The following ABHD14A variants were observed in gnomAD, a reference collection of about 807,000 sequenced individuals.
ABHD14A encodes the protein protein ABHD14A.
A neutral mutation model predicts 27.0 loss-of-function variants in ABHD14A; 19 were observed. The ratio of observed to expected loss-of-function variants is 0.70; its 90% CI spans 0.49 to 1.03. ABHD14A has a LOEUF of 1.03. Among genes scored for constraint, ABHD14A ranks in the 50% least tolerant of loss-of-function variants. The pLI, the probability that ABHD14A is intolerant of heterozygous loss-of-function variation, is 0.00. For missense variants in ABHD14A, 311 were observed against 344.6 expected, an observed-to-expected ratio of 0.90 and a Z score of 0.77; for synonymous variants, 148 against 158.8, an observed-to-expected ratio of 0.93 and a Z score of 0.51.
intron 3 of ABHD14A, chr3:51,980,191 G>A: frequency 3.0e-6 from 2 of 673,576 alleles, no homozygotes; most frequent in Non-Finnish European, 5.5e-6. Context: ...CAAAGTGCTG[G>A]GATTACAGGC....
intron 3 of ABHD14A, 112 bp downstream of exon 3, chr3:51,978,486 A>C: frequency 1.5e-6 from 1 of 666,578 alleles, no homozygotes; most frequent in East Asian, 2.9e-5. Context: ...GGCACCATGA[A>C]AAAGTCTGTG....
chr3:51,980,709 G>C (rs1700893500), intron 4 of ABHD14A, 81 bp downstream of exon 4: 1 of 1,560,004 alleles, frequency 6.4e-7, no homozygotes, highest in Admixed American at 1.7e-5. Context: ...TACTTGGAGG[G>C]ACATGGCCTT....
chr3:51,975,448 A>G (rs1577714008), intron 1 of ABHD14A, among the ~76,000 whole-genome samples: 1 of 94,124 alleles, frequency 1.1e-5, no homozygotes, highest in African/African-American at 4.6e-5. Context: ...CTGCGCGCTT[A>G]TATTTTTGGG....
rs147658919 is a variant in ABHD14A, at chr3:51,980,467, C to A, written c.472C>A (p.Arg158=). 1 of 1,613,604 alleles carries A rather than the reference C, an allele frequency of 6.2e-7. No individual in the cohort carries two copies. The highest frequency in any genetic ancestry group is 8.5e-7 in the Non-Finnish European group (1 of 1,180,020). ...GGCAGCGCTGCTGGAGCGGGCGCTG[C>A]GGGACCTGGAGGTACAGAATGCCGT... ...GRAALLERAL[R]DLEVQNAVLV... is the part of the protein sequence containing the mutation. The change falls in exon 4 of 5, where the codon CGG becomes AGG. Residue 158 remains arginine, a synonymous_variant. Coordinates refer to ENST00000273596, the MANE Select transcript of ABHD14A (RefSeq NM_015407.5).
Position 51,980,833 on chromosome 3 carries a change from C to A in ABHD14A, c.634-3C>A. On this transcript the variant is annotated splice_polypyrimidine_tract_variant and splice_region_variant and intron_variant, in intron 4 of 4. Coordinates refer to ENST00000273596, the MANE Select transcript of ABHD14A (RefSeq NM_015407.5). ...GATCACAGCCCCCTGCCTTGCCCTG[C>A]AGACTCCAACCCTTATCCTGTATGG... The A allele has an allele frequency of 6.2e-7, 1 of 1,608,606 alleles. No individual in the cohort carries two copies. The highest frequency in any genetic ancestry group is 8.5e-7 in the Non-Finnish European group (1 of 1,175,668).
intron 2 of ABHD14A, 67 bp downstream of exon 2, chr3:51,978,149 A>G (rs1700829023): frequency 6.4e-6 from 10 of 1,551,320 alleles, no homozygotes; most frequent in Non-Finnish European, 7.9e-6. Context: ...TGGGACCCCC[A>G]TTATACTCAG....
intron 3 of ABHD14A, 117 bp downstream of exon 3, chr3:51,978,491 T>C: frequency 1.6e-6 from 1 of 637,304 alleles, no homozygotes; most frequent in Non-Finnish European, 2.6e-6. Flanking sequence ...CATGAAAAAG[T>C]CTGTGTTTTC....
chr3:51,980,169 G>A lies in ABHD14A; in HGVS notation c.398-224G>A, dbSNP rs111495805. The A allele has an allele frequency of 2.9e-3, 1,809 of 615,720 alleles. 25 individuals carry two copies. In the African/African-American group the frequency reaches 0.03, roughly 10 times the overall value. 38.1% of individuals were successfully genotyped at this position (615,720 alleles called of 1,614,324 possible). ...GATCTCCTAACCTCGTGATCTGCCC[G>A]CCTCGGCCTCCCAAAGTGCTGGGAT... is the stretch of plus-strand genomic sequence containing the variant. On this transcript the variant is annotated intron_variant, in intron 3 of 4. Transcript: ENST00000273596.
At chr3:51,980,651 G>A (rs1431258205) in intron 4 of ABHD14A, 23 bp downstream of exon 4, 1 of 1,607,186 alleles carries the variant, frequency 6.2e-7, no homozygotes, top group African/African-American at 1.3e-5. Context: ...GGATCTCAAA[G>A]GTCCTGGCAC....
At position 51,980,579 on chromosome 3, in the gene ABHD14A, C is replaced by T; in HGVS notation, c.584C>T (p.Ala195Val). The T allele has an allele frequency of 6.2e-7, 1 of 1,609,838 alleles. No individual in the cohort carries two copies. Among genetic ancestry groups the T allele is most frequent in the Non-Finnish European group, 8.5e-7 (1 of 1,178,228 alleles). Residue 195 changes from alanine to valine, a missense_variant, in exon 4 of 5, where the codon GCA becomes GTA. Coordinates refer to ENST00000273596, the MANE Select transcript of ABHD14A (RefSeq NM_015407.5). ...HHQLHGFVPI[A>V]PTSTQNYTQE... Reference sequence around the variant, plus strand: ...CAGCTACATGGATTTGTGCCCATCGCACCCACCTCCACCCAGAACTACACC... The same window carrying T: ...CAGCTACATGGATTTGTGCCCATCGTACCCACCTCCACCCAGAACTACACC...
intron 3 of ABHD14A, chr3:51,978,598 T>C (rs188608457): frequency 2.3e-4 from 66 of 292,334 alleles, no homozygotes; most frequent in African/African-American, 1.2e-3. Context: ...ATTTTATTTA[T>C]ATATATTTTT....
Position 51,980,647 on chromosome 3 carries a change from C to CA in ABHD14A, c.633+22dup. ...TGTGAAGGTACTGGGAGAAGGATCT[C>CA]AAAGGTCCTGGCACCCTGTCTGTGG... On this transcript the variant is annotated intron_variant, in intron 4 of 4. Coordinates refer to ENST00000273596, the MANE Select transcript of ABHD14A (RefSeq NM_015407.5). 6.2e-7 allele frequency: 1 copy of CA among 1,608,410 alleles called. No homozygotes were observed. The highest frequency in any genetic ancestry group is 1.1e-5 in the South Asian group (1 of 90,616).
chr3:51,975,434 G>A (rs1357925390), intron 1 of ABHD14A, among the ~76,000 whole-genome samples: 1 of 136,164 alleles, frequency 7.3e-6, no homozygotes, highest in Non-Finnish European at 1.6e-5. Flanking sequence ...CCGTCAGTGG[G>A]TTTCTGCGCG....
At chr3:51,980,014 C>T (rs1387915854) in intron 3 of ABHD14A, among the ~76,000 whole-genome samples, 8 of 151,962 alleles carry the variant, frequency 5.3e-5, no homozygotes, top group East Asian at 1.9e-4. Flanking sequence ...CTCCGCCCCC[C>T]GGGGTTCATG....
At chr3:51,980,157 C>T (rs1577718317) in intron 3 of ABHD14A, 6 of 588,604 alleles carry the variant, frequency 1.0e-5, no homozygotes, top group South Asian at 9.3e-5. Context: ...CTCCTAACCT[C>T]GTGATCTGCC....
intron 1 of ABHD14A, among the ~76,000 whole-genome samples, chr3:51,977,481 C>T (rs906844796): frequency 6.6e-6 from 1 of 152,174 alleles, no homozygotes; most frequent in African/African-American, 2.4e-5. Flanking sequence ...ATTTCCTCAC[C>T]TATAAGAGAC....
chr3:51,977,083 C>T (rs938855364), intron 1 of ABHD14A, among the ~76,000 whole-genome samples: 1 of 152,230 alleles, frequency 6.6e-6, no homozygotes, highest in Non-Finnish European at 1.5e-5. Context: ...CCTGGCCCTG[C>T]AGCCCCTCAC....
Position 51,980,545 on chromosome 3 carries a change from G to T in ABHD14A, c.550G>T (p.Gly184Cys), listed in dbSNP as rs758000137. The change falls in exon 4 of 5, where the codon GGC becomes TGC. Residue 184 changes from glycine to cysteine, a missense_variant. Physicochemically the swap from Gly to Cys is radical, Grantham distance 159. Coordinates refer to ENST00000273596, the MANE Select transcript of ABHD14A (RefSeq NM_015407.5). ...CTATGCCCTGCCCTTCCTGATGCGA[G>T]GCCACCACCAGCTACATGGATTTGT... is the stretch of plus-strand genomic sequence containing the variant. ...GHYALPFLMR[G>C]HHQLHGFVPI... is the part of the protein sequence containing the mutation. 5.0e-6 allele frequency: 8 copies of T among 1,614,132 alleles called. No homozygotes were observed. In the South Asian group the frequency reaches 8.8e-5, roughly 18 times the overall value.
intron 1 of ABHD14A, among the ~76,000 whole-genome samples, chr3:51,975,922 A>G (rs1700777550): frequency 6.6e-6 from 1 of 152,218 alleles, no homozygotes; most frequent in Non-Finnish European, 1.5e-5. Context: ...GCATATTCCA[A>G]TGACCTAACC....
Sources: gnomAD v4.1 joint callset for allele counts (sites outside exome capture counted in the v4.1 genomes callset) on GRCh38, gnomAD v4.1.1 for gene constraint, MANE v1.5 for transcripts, NCBI Gene and HGNC (gene_info 2026-07-23, HGNC 2026-07-21) for gene names.